ARHGAP36: variants seen among roughly 807,000 people sequenced by gnomAD.
ARHGAP36 encodes the protein rho GTPase-activating protein 36.
In ARHGAP36, 7 loss-of-function variants were observed where a neutral mutation model predicts 32.9. That is an observed-to-expected ratio of 0.21 (90% CI 0.12 to 0.40). The LOEUF (loss-of-function observed/expected upper bound fraction) is 0.40, where lower values mean the gene tolerates loss of function less well. Among genes scored for constraint, ARHGAP36 ranks in the 10% least tolerant of loss-of-function variants. The pLI is 1.00. For synonymous variants in ARHGAP36, 165 were observed against 168.3 expected (o/e 0.98, Z 0.15); for missense variants, 383 against 442.2 (o/e 0.87, Z 1.20).
At chrX:131,079,707 T>C (rs1002130267) in intron 1 of ARHGAP36, among the ~76,000 whole-genome samples, 2 of 110,620 alleles carry the variant, frequency 1.8e-5, no homozygotes, top group East Asian at 5.6e-4. Flanking sequence ...AGAATGTTAT[T>C]GTAGATTCCA....
intron 1 of ARHGAP36, among the ~76,000 whole-genome samples, chrX:131,059,581 C>T (rs900415115): frequency 2.7e-5 from 3 of 111,771 alleles, no homozygotes; most frequent in Non-Finnish European, 5.6e-5. Context: ...CTGCTGAGAA[C>T]CATCCCAGGA....
intron 3 of ARHGAP36, 80 bp from the exon 4 acceptor site, chrX:131,083,654 G>A (rs2079818395): frequency 9.9e-7 from 1 of 1,009,989 alleles, no homozygotes; most frequent in East Asian, 3.0e-5. Flanking sequence ...GCTGGGAGGA[G>A]TGCTACAGCC....
chrX:131,086,240 G>A (rs1266202111), intron 9 of ARHGAP36, 89 bp from the exon 10 acceptor site: 3 of 1,112,872 alleles, frequency 2.7e-6, no homozygotes, highest in African/African-American at 3.6e-5. Flanking sequence ...GCTGGCCCTG[G>A]TACCTTTAGT....
intron 1 of ARHGAP36, among the ~76,000 whole-genome samples, chrX:131,066,891 C>A (rs1012630964): frequency 8.9e-6 from 1 of 112,049 alleles, no homozygotes; most frequent in African/African-American, 3.3e-5. Context: ...ACACTTAGCA[C>A]AATGCCCAGT....
chrX:131,058,508 C>T (rs2079652406), intron 1 of ARHGAP36, 64 bp downstream of exon 1: 1 of 953,158 alleles, frequency 1.0e-6, no homozygotes, highest in African/African-American at 2.1e-5. Flanking sequence ...GCGGCTGCAG[C>T]CCCCTCTGGG....
intron 1 of ARHGAP36, chrX:131,078,823 T>G (rs1374877268): frequency 4.9e-6 from 4 of 820,440 alleles, no homozygotes; most frequent in Non-Finnish European, 6.5e-6. Context: ...CCCTGTGTGC[T>G]GGAGCAGGGA....
intron 1 of ARHGAP36, among the ~76,000 whole-genome samples, chrX:131,061,945 A>C (rs1603392202): frequency 8.9e-6 from 1 of 112,491 alleles, no homozygotes; most frequent in African/African-American, 3.2e-5. Flanking sequence ...TCAGGCTTAA[A>C]TATCAAATGA....
At position 131,081,613 on chromosome X, in the gene ARHGAP36, C is replaced by G. The variant is rs764427144; in HGVS notation, c.-53C>G. ...ACCCCCACCCCCATAGTTCTCTCCA[C>G]CAGGTCCAGTGACAATTGGATGATG... On this transcript the variant is annotated 5_prime_UTR_variant, in exon 2 of 12. Coordinates refer to ENST00000276211, the MANE Select transcript of ARHGAP36 (RefSeq NM_144967.4). 122 of 1,172,378 alleles carry G rather than the reference C, an allele frequency of 1.0e-4. 1 individual carries two copies. In the East Asian group the frequency reaches 3.1e-3, roughly 30 times the overall value.
At chrX:131,085,139 C>A in intron 7 of ARHGAP36, 75 bp downstream of exon 7, 2 of 1,076,069 alleles carry the variant, frequency 1.9e-6, no homozygotes, top group Non-Finnish European at 1.2e-6. Flanking sequence ...AGGGACAGAG[C>A]TCAGGCTGGA....
intron 2 of ARHGAP36, among the ~76,000 whole-genome samples, chrX:131,082,226 C>A (rs183150046): frequency 4.7e-4 from 53 of 112,122 alleles, no homozygotes; most frequent in African/African-American, 1.7e-3. Flanking sequence ...GCAGCAGGTG[C>A]GGTGCGAGAA....
intron 1 of ARHGAP36, among the ~76,000 whole-genome samples, chrX:131,070,297 CAGTT>C (rs770496996): frequency 4.5e-4 from 51 of 112,171 alleles, no homozygotes; most frequent in African/African-American, 1.6e-3. Context: ...TTCACCATCT[CAGTT>C]AGGTAGCAGA....
At chrX:131,086,269 A>G (rs1275267921) in intron 9 of ARHGAP36, 60 bp from the exon 10 acceptor site, 7 of 1,146,154 alleles carry the variant, frequency 6.1e-6, no homozygotes, top group Non-Finnish European at 8.4e-6. Context: ...CCTGAAAGAG[A>G]TGAGTATAAA....
At chrX:131,066,221 C>A (rs777041413) in intron 1 of ARHGAP36, among the ~76,000 whole-genome samples, 2 of 112,055 alleles carry the variant, frequency 1.8e-5, no homozygotes, top group Non-Finnish European at 3.8e-5. Flanking sequence ...GCTTGTTTTT[C>A]TACATGCAGT....
Position 131,077,758 on chromosome X carries a change from T to C in ARHGAP36, c.-142-3766T>C, listed in dbSNP as rs1603393807. ...ATTCTAGCCCCTTTACTTATCCAAA[T>C]AAAATCATATATATATATATATATA... is the stretch of plus-strand genomic sequence containing the variant. On this transcript the variant is annotated intron_variant, in intron 1 of 11. Transcript: ENST00000276211. Among the ~76,000 whole-genome samples the C allele has an allele frequency of 8.9e-5, 8 of 90,063 alleles. 2 individuals are homozygous for C. The Admixed American group carries it at 1.0e-3, about 11-fold the overall frequency. The allele number at this position is 90,063 out of a possible 115,157, so 78.2% of individuals were successfully genotyped here. A position where few individuals can be genotyped will look rare whatever the true frequency, so the allele number is the denominator to read the frequency against.
intron 3 of ARHGAP36, 119 bp from the exon 4 acceptor site, chrX:131,083,615 T>C (rs1241991189): frequency 1.2e-5 from 9 of 725,470 alleles, no homozygotes; most frequent in Non-Finnish European, 1.7e-5. Flanking sequence ...GCTGCGGTTC[T>C]GGAGAGGTGG....
At position 131,067,037 on chromosome X, in the gene ARHGAP36, T is replaced by G. The variant is rs1223375722; in HGVS notation, c.-143+8593T>G. ...ATTGCAGTTATGTATGATCATGGCA[T>G]GAGAAGTATGAAGGGTGTAATTGTG... On this transcript the variant is annotated intron_variant, in intron 1 of 11. Transcript: ENST00000276211. Among the ~76,000 whole-genome samples, 3 of 112,053 alleles carry G rather than the reference T, an allele frequency of 2.7e-5. 1 individual carries two copies. Among genetic ancestry groups the G allele is most frequent in the African/African-American group, 9.7e-5 (3 of 30,786 alleles).
chrX:131,060,389 T>C (rs2079662478), intron 1 of ARHGAP36, among the ~76,000 whole-genome samples: 1 of 111,302 alleles, frequency 9.0e-6, no homozygotes, highest in Non-Finnish European at 1.9e-5. Flanking sequence ...ACCACACCTA[T>C]GCATGCCCAT....
chrX:131,068,793 C>A (rs1310255399), intron 1 of ARHGAP36, among the ~76,000 whole-genome samples: 1 of 109,633 alleles, frequency 9.1e-6, no homozygotes, highest in African/African-American at 3.3e-5. Flanking sequence ...GAAGCCTGTT[C>A]TAATCTAGCT....
chrX:131,071,456 G>A (rs1275311374), intron 1 of ARHGAP36, among the ~76,000 whole-genome samples: 1 of 111,224 alleles, frequency 9.0e-6, no homozygotes, highest in African/African-American at 3.3e-5. Context: ...AGGGGAGGGC[G>A]AGGGCCTCAT....
Sources: allele counts gnomAD v4.1 joint callset (sites outside exome capture counted in the v4.1 genomes callset), GRCh38; gene constraint gnomAD v4.1.1; transcripts MANE v1.5; gene names NCBI Gene and HGNC (gene_info 2026-07-23, HGNC 2026-07-21).